Variants in CACNA2D3 observed in about 807,000 individuals in gnomAD.
CACNA2D3 encodes the protein voltage-dependent calcium channel subunit alpha-2/delta-3.
Under a neutral mutation model 160.6 loss-of-function variants are expected in CACNA2D3, and 60 were observed. That is an observed-to-expected ratio of 0.37 (90% CI 0.30 to 0.46). CACNA2D3 has a LOEUF of 0.46. Ranked by LOEUF, CACNA2D3 falls within the 20% of genes least tolerant of loss-of-function variation. CACNA2D3 has a pLI of 1.00. For synonymous variants in CACNA2D3, 558 were observed against 492.9 expected (o/e 1.13, Z -1.75); for missense variants, 1,205 against 1,365.0 (o/e 0.88, Z 1.85).
intron 29 of CACNA2D3, among the ~76,000 whole-genome samples, chr3:54,980,736 C>T (rs1045554534): frequency 6.6e-6 from 1 of 152,160 alleles, no homozygotes; most frequent in African/African-American, 2.4e-5. Flanking sequence ...TCTAATGCTG[C>T]AAAATAGGTA....
chr3:54,870,181 A>T (rs1559610902), intron 17 of CACNA2D3, among the ~76,000 whole-genome samples: 1 of 151,700 alleles, frequency 6.6e-6, no homozygotes, highest in Non-Finnish European at 1.5e-5. Context: ...TGCAAGATCG[A>T]CCCCTTCTGG....
At chr3:55,021,657 ATG>A (rs201292219) in intron 35 of CACNA2D3, among the ~76,000 whole-genome samples, 1,639 of 69,170 alleles carry the variant, frequency 0.024, 44 homozygotes, top group African/African-American at 0.064. Flanking sequence ...GTATATATAT[ATG>A]TGTGTGTATA....
chr3:54,770,956 A>AG (rs962061510), intron 13 of CACNA2D3, among the ~76,000 whole-genome samples: 52 of 152,290 alleles, frequency 3.4e-4, no homozygotes, highest in African/African-American at 1.2e-3. Context: ...AAAACTAGGG[A>AG]GAAAAAAAAC....
chr3:54,918,708 C>T lies in CACNA2D3; in HGVS notation c.2449+18840C>T, dbSNP rs551816704. On this transcript the variant is annotated intron_variant, in intron 27 of 37. Transcript: ENST00000474759. ...CGCACTCCAAGAGTTCTCGCTCCCCCGCGTTGTGGTTCTCAGGAGGCCTCA... is the reference window on the plus strand; with the variant it reads ...CGCACTCCAAGAGTTCTCGCTCCCCTGCGTTGTGGTTCTCAGGAGGCCTCA... 75 of 1,614,130 alleles carry T rather than the reference C, an allele frequency of 4.6e-5. 1 individual carries two copies. Among genetic ancestry groups the T allele is most frequent in the South Asian group, 4.5e-4 (41 of 91,074 alleles).
intron 31 of CACNA2D3, among the ~76,000 whole-genome samples, chr3:54,988,508 G>A (rs1191391064): frequency 1.3e-5 from 2 of 152,196 alleles, no homozygotes; most frequent in African/African-American, 4.8e-5. Context: ...CTCCCAGGAA[G>A]AATGTTAGCC....
chr3:54,830,899 A>C (rs547331815), intron 14 of CACNA2D3, among the ~76,000 whole-genome samples: 1 of 152,290 alleles, frequency 6.6e-6, no homozygotes, highest in African/African-American at 2.4e-5. Flanking sequence ...CATAGAGTGC[A>C]GGTTGAAGTT....
chr3:54,632,981 C>T (rs955599427), intron 10 of CACNA2D3, among the ~76,000 whole-genome samples: 3 of 152,200 alleles, frequency 2.0e-5, no homozygotes, highest in African/African-American at 4.8e-5. Context: ...TCAGGGGCTG[C>T]GTCTGCTCAT....
intron 11 of CACNA2D3, among the ~76,000 whole-genome samples, chr3:54,683,387 G>A (rs1700388761): frequency 6.6e-6 from 1 of 152,162 alleles, no homozygotes; most frequent in African/African-American, 2.4e-5. Context: ...TTCAATGTGG[G>A]CTTGGTCAGC....
At chr3:54,337,851 C>T (rs1052195745) in intron 3 of CACNA2D3, among the ~76,000 whole-genome samples, 5 of 152,170 alleles carry the variant, frequency 3.3e-5, no homozygotes, top group African/African-American at 7.2e-5. Flanking sequence ...CACAACTCCA[C>T]GGGAGGTGGC....
chr3:54,419,817 G>A (rs1425292413), intron 4 of CACNA2D3, among the ~76,000 whole-genome samples: 2 of 152,176 alleles, frequency 1.3e-5, no homozygotes, highest in Non-Finnish European at 2.9e-5. Context: ...CCAGGCTGGA[G>A]TGCAGTGGCA....
intron 11 of CACNA2D3, among the ~76,000 whole-genome samples, chr3:54,733,108 G>C (rs1366233392): frequency 6.6e-6 from 1 of 152,188 alleles, no homozygotes; most frequent in Non-Finnish European, 1.5e-5. Context: ...TGGGACACTT[G>C]CACTTTGAGG....
intron 11 of CACNA2D3, among the ~76,000 whole-genome samples, chr3:54,642,609 G>C (rs935472339): frequency 6.6e-6 from 1 of 152,196 alleles, no homozygotes; most frequent in South Asian, 2.1e-4. Flanking sequence ...TAGCCCTGCA[G>C]GCCTCTCCTT....
intron 4 of CACNA2D3, among the ~76,000 whole-genome samples, chr3:54,493,030 A>C (rs892699816): frequency 2.7e-5 from 4 of 150,466 alleles, no homozygotes; most frequent in African/African-American, 9.8e-5. Context: ...ATAAATAAAT[A>C]AATATGTATG....
intron 13 of CACNA2D3, among the ~76,000 whole-genome samples, chr3:54,780,414 T>G (rs1702510188): frequency 6.6e-6 from 1 of 152,248 alleles, no homozygotes; most frequent in African/African-American, 2.4e-5. Context: ...TAAGGCATAT[T>G]GTTTATACTG....
intron 2 of CACNA2D3, among the ~76,000 whole-genome samples, chr3:54,228,427 C>T (rs1701711988): frequency 6.6e-6 from 1 of 152,204 alleles, no homozygotes; most frequent in South Asian, 2.1e-4. Flanking sequence ...GCATATGAAT[C>T]ACCTAGGCTG....
chr3:54,172,822 G>A (rs1700603025), intron 2 of CACNA2D3, among the ~76,000 whole-genome samples: 1 of 152,164 alleles, frequency 6.6e-6, no homozygotes. Flanking sequence ...GAACATTTTA[G>A]TAGGTATTGG....
At chr3:54,965,035 A>G (rs1026672975) in intron 27 of CACNA2D3, among the ~76,000 whole-genome samples, 1 of 152,174 alleles carries the variant, frequency 6.6e-6, no homozygotes, top group Admixed American at 6.5e-5. Flanking sequence ...CTTCAATGGC[A>G]CCAACGGCAG....
intron 35 of CACNA2D3, among the ~76,000 whole-genome samples, chr3:55,052,686 T>G (rs567742936): frequency 3.9e-5 from 6 of 152,254 alleles, no homozygotes; most frequent in African/African-American, 1.4e-4. Flanking sequence ...ACATGCATAT[T>G]TAGGATTGTT....
intron 11 of CACNA2D3, among the ~76,000 whole-genome samples, chr3:54,679,302 G>T (rs1700300985): frequency 6.6e-6 from 1 of 152,146 alleles, no homozygotes; most frequent in Admixed American, 6.5e-5. Flanking sequence ...ATTTTCTTGG[G>T]TATTATATAT....
Sources: gnomAD v4.1 joint callset for allele counts (sites outside exome capture counted in the v4.1 genomes callset) on GRCh38, gnomAD v4.1.1 for gene constraint, MANE v1.5 for transcripts, NCBI Gene and HGNC (gene_info 2026-07-23, HGNC 2026-07-21) for gene names.